Variants in FRS2 observed in about 807,000 individuals in gnomAD.
FRS2 encodes FGFR signalling adaptor.
FRS2 carries 8 observed loss-of-function variants against 43.9 expected under a neutral mutation model. That is an observed-to-expected ratio of 0.18 (90% CI 0.11 to 0.33). The LOEUF is 0.33. Ranked by LOEUF, FRS2 falls within the 10% of genes least tolerant of loss-of-function variation. The pLI is 1.00. For missense variants in FRS2, 534 were observed against 627.6 expected, an observed-to-expected ratio of 0.85 and a Z score of 1.59; for synonymous variants, 219 against 220.3, an observed-to-expected ratio of 0.99 and a Z score of 0.05.
intron 1 of FRS2, among the ~76,000 whole-genome samples, chr12:69,500,816 A>G (rs1173611684): frequency 6.6e-6 from 1 of 152,206 alleles, no homozygotes; most frequent in East Asian, 1.9e-4. Context: ...ATACAAAGGT[A>G]TGAACCAACA....
chr12:69,554,369 G>C (rs1879162527), intron 3 of FRS2, among the ~76,000 whole-genome samples: 1 of 152,058 alleles, frequency 6.6e-6, no homozygotes. Flanking sequence ...TTTATGTGGA[G>C]GTAGGGGAGA....
chr12:69,485,830 C>T (rs1260087886), intron 1 of FRS2, among the ~76,000 whole-genome samples: 1 of 152,078 alleles, frequency 6.6e-6, no homozygotes, highest in Non-Finnish European at 1.5e-5. Context: ...CATTTTTTTT[C>T]AGTCTTCACA....
intron 3 of FRS2, among the ~76,000 whole-genome samples, chr12:69,546,254 A>G (rs1878392454): frequency 6.6e-6 from 1 of 152,124 alleles, no homozygotes; most frequent in African/African-American, 2.4e-5. Context: ...CACACTCATT[A>G]GGATGGCTAC....
chr12:69,488,851 T>A (rs1872197202), intron 1 of FRS2, among the ~76,000 whole-genome samples: 1 of 152,170 alleles, frequency 6.6e-6, no homozygotes, highest in South Asian at 2.1e-4. Flanking sequence ...TGCTGGCTCT[T>A]ATTAAGCATT....
intron 1 of FRS2, among the ~76,000 whole-genome samples, chr12:69,522,586 A>G (rs1324127743): frequency 6.6e-6 from 1 of 151,982 alleles, no homozygotes; most frequent in African/African-American, 2.4e-5. Flanking sequence ...CTTGTGTCTC[A>G]GTCTACTTTG....
chr12:69,521,174 A>G lies in FRS2; in HGVS notation c.-260-9691A>G, dbSNP rs373201579. 4.8e-4 allele frequency among the ~76,000 whole-genome samples: 73 copies of G among 152,218 alleles called. No homozygotes were observed. In the East Asian group the frequency reaches 0.013, roughly 26 times the overall value. ...TTTTGTGTGTGTGGCAATTGTGAAC[A>G]GAATTGTATTCCTGATTTGGCTCTT... On this transcript the variant is annotated intron_variant, in intron 1 of 8. Transcript: ENST00000549921.
rs147712230 is a variant in FRS2, at chr12:69,535,730, T to G, written c.-122+3674T>G. On this transcript the variant is annotated intron_variant, in intron 3 of 8. Transcript: ENST00000549921. ...TCTTCATATCTTCTCTGTCTTGGTT[T>G]TGTTTTGGATTCGGGTTTAGTTTTA... 3.8e-3 allele frequency among the ~76,000 whole-genome samples: 576 copies of G among 152,274 alleles called. 1 individual carries two copies. The highest frequency in any genetic ancestry group is 6.5e-3 in the Non-Finnish European group (439 of 68,012).
intron 4 of FRS2, 54 bp from the exon 5 acceptor site, chr12:69,568,951 T>G: frequency 1.2e-6 from 1 of 833,922 alleles, no homozygotes; most frequent in East Asian, 2.6e-5. Context: ...TTTTTCTGTT[T>G]ACAGTTTTTG....
At chr12:69,525,980 C>A (rs1026053423) in intron 1 of FRS2, among the ~76,000 whole-genome samples, 6 of 152,254 alleles carry the variant, frequency 3.9e-5, no homozygotes, top group Admixed American at 2.0e-4. Flanking sequence ...CTGCCTCAGC[C>A]TCCCAAGTAG....
At chr12:69,506,538 CAGAG>C (rs370145015) in intron 1 of FRS2, among the ~76,000 whole-genome samples, 3 of 151,630 alleles carry the variant, frequency 2.0e-5, no homozygotes, top group Non-Finnish European at 4.4e-5. Flanking sequence ...TAGCAAAATC[CAGAG>C]AGAGAGAGTA....
Position 69,527,597 on chromosome 12 carries a change from A to C in FRS2, c.-260-3268A>C, listed in dbSNP as rs568074360. ...TTTACTGCAGATTATAATAGTGAAC[A>C]AGACAAACTGGGATTTGGAATCCTG... On this transcript the variant is annotated intron_variant, in intron 1 of 8. Transcript: ENST00000549921. 3.9e-5 allele frequency among the ~76,000 whole-genome samples: 6 copies of C among 152,238 alleles called. 1 individual carries two copies. In the South Asian group the frequency reaches 1.2e-3, roughly 32 times the overall value.
chr12:69,578,710 T>TGTA lies in FRS2; in HGVS notation c.*3756_*3758dup, dbSNP rs973098171. On this transcript the variant is annotated 3_prime_UTR_variant, in exon 9 of 9. Transcript: ENST00000549921. ...TTATTTTCATTACATTGTATAATAT[T>TGTA]GTAAGACTATTGTATGTCCTAATTT... The TGTA allele has an allele frequency of 2.0e-5, 3 of 152,654 alleles. No individual in the cohort carries two copies. Among genetic ancestry groups the TGTA allele is most frequent in the South Asian group, 2.1e-4 (1 of 4,832 alleles). 9.5% of individuals were successfully genotyped at this position (152,654 alleles called of 1,614,324 possible).
At position 69,577,527 on chromosome 12, in the gene FRS2, T is replaced by A. The variant is rs1406837374; in HGVS notation, c.*2572T>A. 13 of 152,618 alleles carry A rather than the reference T, an allele frequency of 8.5e-5. 1 individual carries two copies. The highest frequency in any genetic ancestry group is 8.5e-4 in the Admixed American group (13 of 15,278). 9.5% of individuals were successfully genotyped at this position (152,618 alleles called of 1,614,324 possible). A position where few individuals can be genotyped will look rare whatever the true frequency, so the allele number is the denominator to read the frequency against. On this transcript the variant is annotated 3_prime_UTR_variant, in exon 9 of 9. Coordinates refer to ENST00000549921, the MANE Select transcript of FRS2 (RefSeq NM_001278356.2). Reference sequence around the variant, plus strand: ...TGAGGCAGATCTAATTTTAGATAATTCTGTTGGTAGACCATGTGATCCTTC... The same window carrying A: ...TGAGGCAGATCTAATTTTAGATAATACTGTTGGTAGACCATGTGATCCTTC...
chr12:69,491,727 G>T (rs953008609), intron 1 of FRS2: 15 of 152,164 alleles, frequency 9.9e-5, no homozygotes, highest in African/African-American at 3.1e-4. Context: ...GTCCATGCTG[G>T]TCTCAAGTGC....
At chr12:69,524,219 T>G (rs1875973540) in intron 1 of FRS2, among the ~76,000 whole-genome samples, 1 of 149,864 alleles carries the variant, frequency 6.7e-6, no homozygotes, top group African/African-American at 2.5e-5. Context: ...ATGACAGTGG[T>G]GGTATGGTGG....
chr12:69,530,048 C>T (rs1876634956), intron 1 of FRS2, among the ~76,000 whole-genome samples: 1 of 151,346 alleles, frequency 6.6e-6, no homozygotes. Context: ...AGTGAGACTC[C>T]GTCTCAAAAG....
intron 4 of FRS2, among the ~76,000 whole-genome samples, chr12:69,567,808 T>G (rs1415120612): frequency 6.6e-6 from 1 of 152,196 alleles, no homozygotes; most frequent in East Asian, 1.9e-4. Flanking sequence ...TTGTTTATTC[T>G]GACAGGACTA....
At chr12:69,564,613 CT>C (rs969035078) in intron 4 of FRS2, among the ~76,000 whole-genome samples, 11 of 152,094 alleles carry the variant, frequency 7.2e-5, no homozygotes, top group African/African-American at 1.2e-4. Flanking sequence ...GTGCCACTGA[CT>C]TTTCCTCTTA....
intron 3 of FRS2, among the ~76,000 whole-genome samples, chr12:69,539,865 G>C (rs1031609597): frequency 1.3e-5 from 2 of 152,170 alleles, no homozygotes; most frequent in African/African-American, 4.8e-5. Context: ...TCAGGGAGGA[G>C]AATCACTTGA....
Sources: gnomAD v4.1 joint callset for allele counts (sites outside exome capture counted in the v4.1 genomes callset) on GRCh38, gnomAD v4.1.1 for gene constraint, MANE v1.5 for transcripts, NCBI Gene and HGNC (gene_info 2026-07-23, HGNC 2026-07-21) for gene names.